The following EEF2K variants were observed in gnomAD, a reference collection of about 807,000 sequenced individuals.
The protein encoded by EEF2K is eukaryotic elongation factor 2 kinase, also known as alternative protein EEF2K.
Under a neutral mutation model 93.8 loss-of-function variants are expected in EEF2K, and 70 were observed. That is an observed-to-expected ratio of 0.75 (90% CI 0.62 to 0.91). The LOEUF (loss-of-function observed/expected upper bound fraction) is 0.91. Ranked by LOEUF, EEF2K falls within the 40% of genes least tolerant of loss-of-function variation. The probability of loss-of-function intolerance (pLI) is 0.00; values close to 1 mark genes in which losing one functional copy is unlikely to be tolerated. For synonymous variants in EEF2K, 376 were observed against 380.8 expected (o/e 0.99, Z 0.15); for missense variants, 935 against 972.9 (o/e 0.96, Z 0.52).
intron 2 of EEF2K, among the ~76,000 whole-genome samples, chr16:22,237,361 G>A (rs531713714): frequency 1.3e-5 from 2 of 152,180 alleles, no homozygotes; most frequent in African/African-American, 4.8e-5. Context: ...AACCTGGCCA[G>A]GCGCAGTGGC....
At position 22,217,030 on chromosome 16, in the gene EEF2K, G is replaced by A. The variant is rs369115277; in HGVS notation, c.-76-8624G>A. On this transcript the variant is annotated intron_variant, in intron 1 of 17. Coordinates refer to ENST00000263026, the MANE Select transcript of EEF2K (RefSeq NM_013302.5). ...ACAAAAATTAGCTGGGTATGGTGACGCGTGCCTGTGGTCCCAGCTACTCCG... is the reference window on the plus strand; with the variant it reads ...ACAAAAATTAGCTGGGTATGGTGACACGTGCCTGTGGTCCCAGCTACTCCG... Among the ~76,000 whole-genome samples the A allele has an allele frequency of 3.9e-4, 59 of 151,402 alleles. No individual in the cohort carries two copies. The East Asian group carries it at 6.5e-3, about 17-fold the overall frequency.
At chr16:22,283,123 A>G (rs887100572) in intron 17 of EEF2K, among the ~76,000 whole-genome samples, 4 of 152,172 alleles carry the variant, frequency 2.6e-5, no homozygotes, top group African/African-American at 9.6e-5. Context: ...AGGCTGGGCA[A>G]CATGATGAAA....
intron 2 of EEF2K, among the ~76,000 whole-genome samples, chr16:22,239,329 A>G (rs1346462729): frequency 6.6e-6 from 1 of 152,054 alleles, no homozygotes; most frequent in Non-Finnish European, 1.5e-5. Flanking sequence ...GGAGTGGCGG[A>G]GTCGTTTGAG....
intron 2 of EEF2K, among the ~76,000 whole-genome samples, chr16:22,239,964 G>A (rs558501686): frequency 2.1e-4 from 32 of 152,212 alleles, no homozygotes; most frequent in African/African-American, 6.7e-4. Flanking sequence ...TTAGCTGGGC[G>A]TGGTGGCGCA....
intron 10 of EEF2K, 54 bp from the exon 11 acceptor site, chr16:22,260,408 T>C: frequency 6.2e-7 from 1 of 1,609,468 alleles, no homozygotes; most frequent in Non-Finnish European, 8.5e-7. Flanking sequence ...GGGTTGGTCT[T>C]ATGCATGTTC....
chr16:22,239,041 CAG>C (rs2047195878), intron 2 of EEF2K, among the ~76,000 whole-genome samples: 1 of 151,288 alleles, frequency 6.6e-6, no homozygotes, highest in Non-Finnish European at 1.5e-5. Flanking sequence ...AAGCTGGAAC[CAG>C]AGTCAGGGAC....
At chr16:22,266,593 C>G in intron 14 of EEF2K, 69 bp downstream of exon 14, 1 of 1,597,716 alleles carries the variant, frequency 6.3e-7, no homozygotes, top group South Asian at 1.1e-5. Context: ...AGCCTCTCCT[C>G]CGCTAATCAC....
intron 1 of EEF2K, among the ~76,000 whole-genome samples, chr16:22,212,555 C>T (rs772992646): frequency 1.9e-4 from 29 of 151,964 alleles, no homozygotes; most frequent in Non-Finnish European, 3.2e-4. Context: ...CTCCTGACCT[C>T]GTGATCCGCC....
intron 10 of EEF2K, 147 bp from the exon 11 acceptor site, chr16:22,260,315 C>A (rs2047449194): frequency 2.7e-6 from 2 of 735,236 alleles, no homozygotes; most frequent in Non-Finnish European, 4.5e-6. Context: ...GTGCTGATAA[C>A]ATTCTTCTCC....
chr16:22,285,163 ACC>A lies in EEF2K; in HGVS notation c.*1169_*1170del. ...ATGTGAGAGCCTTTTCTCCAAGCAG[ACC>A]CACACTCTGCATCTCAGTGGCAGCT... On this transcript the variant is annotated 3_prime_UTR_variant, in exon 18 of 18. Coordinates refer to ENST00000263026, the MANE Select transcript of EEF2K (RefSeq NM_013302.5). 6.6e-6 allele frequency: 1 copy of A among 152,500 alleles called. No individual in the cohort carries two copies. The highest frequency in any genetic ancestry group is 3.2e-3 in the Middle Eastern group (1 of 316). The allele number at this position is 152,500 out of a possible 1,614,324, so 9.4% of individuals were successfully genotyped here.
intron 1 of EEF2K, among the ~76,000 whole-genome samples, chr16:22,222,086 TTAAAAA>T (rs1229872495): frequency 2.6e-5 from 4 of 152,106 alleles, no homozygotes; most frequent in African/African-American, 7.2e-5. Context: ...AATTAAAAAA[TTAAAAA>T]TAAAAAGTTT....
intron 2 of EEF2K, among the ~76,000 whole-genome samples, chr16:22,239,785 T>C (rs1374179462): frequency 6.6e-6 from 1 of 152,130 alleles, no homozygotes; most frequent in Non-Finnish European, 1.5e-5. Context: ...CATTCCAGCC[T>C]GAGTGACAGA....
Position 22,285,242 on chromosome 16 carries a change from A to C in EEF2K, c.*1246A>C, listed in dbSNP as rs2047743574. On this transcript the variant is annotated 3_prime_UTR_variant, in exon 18 of 18. Coordinates refer to ENST00000263026, the MANE Select transcript of EEF2K (RefSeq NM_013302.5). ...ATACAGTATTCCTTGGTGTTTTCTTAGTGTCTGGATGTTCTTACGTGAAAT... is the reference window on the plus strand; with the variant it reads ...ATACAGTATTCCTTGGTGTTTTCTTCGTGTCTGGATGTTCTTACGTGAAAT... 2 of 152,126 alleles carry C rather than the reference A, an allele frequency of 1.3e-5. 1 individual carries two copies. The highest frequency in any genetic ancestry group is 4.1e-4 in the South Asian group (2 of 4,826). The allele number at this position is 152,126 out of a possible 1,614,324, so 9.4% of individuals were successfully genotyped here.
intron 1 of EEF2K, among the ~76,000 whole-genome samples, chr16:22,218,103 G>C (rs1567259358): frequency 6.6e-6 from 1 of 152,222 alleles, no homozygotes; most frequent in Non-Finnish European, 1.5e-5. Flanking sequence ...AGAATAGTTT[G>C]ACTGTAATCA....
chr16:22,266,256 A>G lies in EEF2K; in HGVS notation c.1441-134A>G, dbSNP rs531482723. 7.2e-4 allele frequency: 985 copies of G among 1,360,154 alleles called. 1 individual carries two copies. Among genetic ancestry groups the G allele is most frequent in the Non-Finnish European group, 9.1e-4 (922 of 1,017,688 alleles). The allele number at this position is 1,360,154 out of a possible 1,614,324, so 84.3% of individuals were successfully genotyped here. On this transcript the variant is annotated intron_variant, in intron 13 of 17. Transcript: ENST00000263026. ...AAAAAATTGGAGCCATGTTTTGCCA[A>G]TAAACTTTGACATCGTGAGGGTTCA...
In EEF2K at chr16:22,274,837, G is replaced by T. The variant is rs572309780; in HGVS notation, c.1889+1087G>T. On this transcript the variant is annotated intron_variant, in intron 16 of 17. Coordinates refer to ENST00000263026, the MANE Select transcript of EEF2K (RefSeq NM_013302.5). ...TTGTTCAGACTGGTCTCGAACTCCTGGGCTCAAGCAACCTTCCCTCCTCAG... is the reference window on the plus strand; with the variant it reads ...TTGTTCAGACTGGTCTCGAACTCCTTGGCTCAAGCAACCTTCCCTCCTCAG... Among the ~76,000 whole-genome samples, 2 of 152,256 alleles carry T rather than the reference G, an allele frequency of 1.3e-5. 1 individual carries two copies. The highest frequency in any genetic ancestry group is 4.1e-4 in the South Asian group (2 of 4,826).
In EEF2K at chr16:22,260,549, G is replaced by T. The variant is rs1397980991; in HGVS notation, c.1299+20G>T. On this transcript the variant is annotated intron_variant, in intron 11 of 17. Transcript: ENST00000263026. ...CACCGGGTGAGTGTGAAGGGAGGGA[G>T]GCTGCAGGCTTCAGACCCCAGCAGG... 1 of 1,614,062 alleles carries T rather than the reference G, an allele frequency of 6.2e-7. No homozygotes were observed. Among genetic ancestry groups the T allele is most frequent in the Non-Finnish European group, 8.5e-7 (1 of 1,179,980 alleles).
chr16:22,220,449 T>TTG (rs1348472337), intron 1 of EEF2K, among the ~76,000 whole-genome samples: 1 of 151,772 alleles, frequency 6.6e-6, no homozygotes, highest in African/African-American at 2.4e-5. Context: ...CGTGCTTTTT[T>TTG]TTTTGTTTTT....
At chr16:22,242,567 C>T (rs1473349016) in intron 2 of EEF2K, among the ~76,000 whole-genome samples, 3 of 152,014 alleles carry the variant, frequency 2.0e-5, no homozygotes, top group Middle Eastern at 3.4e-3. Flanking sequence ...CTGCCTCGGC[C>T]TCCCAAAGTG....
Sources: gnomAD v4.1 joint callset for allele counts (sites outside exome capture counted in the v4.1 genomes callset) on GRCh38, gnomAD v4.1.1 for gene constraint, MANE v1.5 for transcripts, NCBI Gene and HGNC (gene_info 2026-07-23, HGNC 2026-07-21) for gene names.